The following ADGRL2 variants were observed in gnomAD, a reference collection of about 807,000 sequenced individuals.
ADGRL2 encodes adhesion G protein-coupled receptor L2.
ADGRL2 carries 44 observed loss-of-function variants against 157.4 expected under a neutral mutation model. That is an observed-to-expected ratio of 0.28 (90% CI 0.22 to 0.36). The LOEUF is 0.36. ADGRL2 is among the 10% of genes least tolerant of loss of function. ADGRL2 has a pLI of 1.00. For missense variants in ADGRL2, 1,510 were observed against 1,768.9 expected (o/e 0.85, Z 2.63); for synonymous variants, 585 against 624.7 (o/e 0.94, Z 0.95).
intron 20 of ADGRL2, among the ~76,000 whole-genome samples, chr1:81,984,946 AG>A (rs1384905121): frequency 3.3e-5 from 5 of 152,098 alleles, no homozygotes; most frequent in Admixed American, 3.3e-4. Context: ...ATCGTCTTAT[AG>A]CCTAAGGCCA....
intron 2 of ADGRL2, among the ~76,000 whole-genome samples, chr1:81,869,644 T>A (rs1475008993): frequency 6.6e-6 from 1 of 152,074 alleles, no homozygotes. Flanking sequence ...TTCTCACTGT[T>A]CTGAAAATGA....
chr1:81,447,647 G>A (rs972255764), intron 2 of ADGRL2, among the ~76,000 whole-genome samples: 3 of 152,022 alleles, frequency 2.0e-5, no homozygotes, highest in Admixed American at 6.6e-5. Context: ...TGGATGAAGG[G>A]ACCTCAAAGA....
At chr1:81,793,441 T>A (rs2087442176) in intron 2 of ADGRL2, among the ~76,000 whole-genome samples, 1 of 152,150 alleles carries the variant, frequency 6.6e-6, no homozygotes, top group Non-Finnish European at 1.5e-5. Context: ...TCTATGTAAA[T>A]CATAAATTTA....
intron 1 of ADGRL2, among the ~76,000 whole-genome samples, chr1:81,336,134 G>C (rs1331517085): frequency 6.6e-6 from 1 of 152,158 alleles, no homozygotes; most frequent in Non-Finnish European, 1.5e-5. Flanking sequence ...CAGTGGCCTT[G>C]TCGGAGATTC....
chr1:81,313,568 A>G (rs1659900205), intron 1 of ADGRL2, among the ~76,000 whole-genome samples: 1 of 152,188 alleles, frequency 6.6e-6, no homozygotes, highest in South Asian at 2.1e-4. Flanking sequence ...GTATCTGTGC[A>G]GGCCACTATG....
chr1:81,571,892 C>T (rs1394601605), intron 2 of ADGRL2, among the ~76,000 whole-genome samples: 2 of 152,306 alleles, frequency 1.3e-5, no homozygotes, highest in African/African-American at 2.4e-5. Context: ...GCTCCGCACC[C>T]CCCAGCCTTT....
At chr1:81,347,750 A>T (rs762347474) in intron 1 of ADGRL2, among the ~76,000 whole-genome samples, 1 of 152,220 alleles carries the variant, frequency 6.6e-6, no homozygotes, top group South Asian at 2.1e-4. Flanking sequence ...AACAGTTGAT[A>T]AAAAGATCAT....
chr1:81,985,343 A>C lies in ADGRL2; in HGVS notation c.3496A>C (p.Thr1166Pro), dbSNP rs760883063. 5 of 1,594,098 alleles carry C rather than the reference A, an allele frequency of 3.1e-6. No homozygotes were observed. Among genetic ancestry groups the C allele is most frequent in the Non-Finnish European group, 3.4e-6 (4 of 1,165,874 alleles). ...FISGDINSTS[T>P]LNQGMTGNYL... is the part of the protein sequence containing the mutation. ...CTCAGGTGACATCAATAGCACTTCA[A>C]CACTTAATCAAGGTCAGTTATCAGG... Residue 1166 changes from threonine to proline, a missense_variant, in exon 21 of 24, where the codon ACA (threonine) becomes CCA (proline). Physicochemically the swap from Thr to Pro is conservative, Grantham distance 38 (BLOSUM62 -1). Transcript: ENST00000686636.
intron 2 of ADGRL2, among the ~76,000 whole-genome samples, chr1:81,499,455 T>A (rs2078797519): frequency 6.6e-6 from 1 of 152,246 alleles, no homozygotes; most frequent in Admixed American, 6.5e-5. Context: ...GAAGATAGAA[T>A]GGGACTTGAA....
intron 2 of ADGRL2, among the ~76,000 whole-genome samples, chr1:81,507,974 TCTTTC>T (rs1007736537): frequency 3.9e-5 from 6 of 152,244 alleles, no homozygotes; most frequent in African/African-American, 1.4e-4. Context: ...ATTTCTTTTT[TCTTTC>T]CTTTCCAATC....
chr1:81,970,646 G>T, intron 16 of ADGRL2, 112 bp downstream of exon 16: 1 of 742,430 alleles, frequency 1.3e-6, no homozygotes, highest in Non-Finnish European at 2.2e-6. Flanking sequence ...AGCTTTATTG[G>T]TAAGAGAATG....
At chr1:81,825,279 C>T (rs929759163) in intron 1 of ADGRL2, among the ~76,000 whole-genome samples, 2 of 152,100 alleles carry the variant, frequency 1.3e-5, no homozygotes, top group African/African-American at 4.8e-5. Context: ...GGGAGGATTG[C>T]TTGAGTCAAG....
At chr1:81,607,882 A>G (rs1162341766) in intron 3 of ADGRL2, among the ~76,000 whole-genome samples, 3 of 152,186 alleles carry the variant, frequency 2.0e-5, no homozygotes, top group African/African-American at 7.2e-5. Context: ...AAGGTGATGG[A>G]GACAAAATCC....
At chr1:81,402,924 T>C (rs1306560242) in intron 1 of ADGRL2, among the ~76,000 whole-genome samples, 1 of 152,196 alleles carries the variant, frequency 6.6e-6, no homozygotes, top group Non-Finnish European at 1.5e-5. Context: ...CCATGCTAGG[T>C]GCCAGAGATA....
chr1:81,352,936 AC>A (rs1663015627), intron 1 of ADGRL2, among the ~76,000 whole-genome samples: 1 of 152,154 alleles, frequency 6.6e-6, no homozygotes, highest in Admixed American at 6.5e-5. Flanking sequence ...GAAAAACAAA[AC>A]AATTTTTTTT....
intron 13 of ADGRL2, among the ~76,000 whole-genome samples, chr1:81,967,780 A>G (rs1657567108): frequency 1.3e-5 from 2 of 152,214 alleles, no homozygotes; most frequent in South Asian, 4.1e-4. Flanking sequence ...CATAAAATGG[A>G]AATTGTAATT....
chr1:81,497,523 A>T (rs946731925), intron 2 of ADGRL2, among the ~76,000 whole-genome samples: 2 of 152,212 alleles, frequency 1.3e-5, no homozygotes, highest in Admixed American at 1.3e-4. Flanking sequence ...CTTTATAATA[A>T]TCTATAAATC....
intron 1 of ADGRL2, among the ~76,000 whole-genome samples, chr1:81,419,149 G>A (rs2077083001): frequency 6.6e-6 from 1 of 150,792 alleles, no homozygotes; most frequent in African/African-American, 2.4e-5. Flanking sequence ...TTGTACTTCT[G>A]GACTGTTTCT....
chr1:81,437,326 C>A (rs563771841), intron 1 of ADGRL2, among the ~76,000 whole-genome samples: 4 of 152,212 alleles, frequency 2.6e-5, no homozygotes, highest in African/African-American at 9.6e-5. Context: ...AGGCAAACAG[C>A]AACTGGTTTA....
Sources: gnomAD v4.1 joint callset for allele counts (sites outside exome capture counted in the v4.1 genomes callset) on GRCh38, gnomAD v4.1.1 for gene constraint, MANE v1.5 for transcripts, NCBI Gene and HGNC (gene_info 2026-07-23, HGNC 2026-07-21) for gene names.